GABRB3: variants seen among roughly 807,000 people sequenced by gnomAD.
GABRB3 encodes gamma-aminobutyric acid type A receptor subunit beta3, also known as gamma-aminobutyric acid receptor subunit beta-3.
In GABRB3, 14 loss-of-function variants were observed where a neutral mutation model predicts 52.1. The ratio of observed to expected loss-of-function variants is 0.27; its 90% CI spans 0.18 to 0.42. GABRB3 has a LOEUF of 0.42. GABRB3 is among the 10% of genes least tolerant of loss of function. GABRB3 has a pLI of 1.00. For missense variants in GABRB3, 307 were observed against 609.1 expected (o/e 0.50, Z 5.22); for synonymous variants, 260 against 232.3 (o/e 1.12, Z -1.08).
rs1348288306 is a variant in GABRB3 at position 26,554,207 on chromosome 15, A to ATATATATATATATATTTATTTATT, written c.1081-6074_1081-6073insAATAAATAAATATATATATATATA. On this transcript the variant is annotated intron_variant, in intron 8 of 8. Transcript: ENST00000311550. ...ATATATATACTATATATATATATAT[A>ATATATATATATATATTTATTTATT]TAGTAGAAACAAGGTCTCTCTTTGT... Among the ~76,000 whole-genome samples, 112 of 57,812 alleles carry ATATATATATATATATTTATTTATT rather than the reference A, an allele frequency of 1.9e-3. 6 individuals are homozygous for ATATATATATATATATTTATTTATT. The highest frequency in any genetic ancestry group is 3.4e-3 in the Non-Finnish European group (83 of 24,134). The allele number at this position is 57,812 out of a possible 152,430, so 37.9% of individuals were successfully genotyped here.
intron 4 of GABRB3, among the ~76,000 whole-genome samples, chr15:26,619,699 G>A (rs893835600): frequency 6.6e-6 from 1 of 151,814 alleles, no homozygotes; most frequent in African/African-American, 2.4e-5. Flanking sequence ...AAAAAATAAA[G>A]AATGCAAAAA....
chr15:26,565,207 C>T (rs1434167894), intron 7 of GABRB3, among the ~76,000 whole-genome samples: 1 of 151,548 alleles, frequency 6.6e-6, no homozygotes, highest in Non-Finnish European at 1.5e-5. Flanking sequence ...ACTCAGTGCT[C>T]CTGACACTGC....
chr15:26,753,411 A>G (rs995342607), intron 3 of GABRB3, among the ~76,000 whole-genome samples: 6 of 152,222 alleles, frequency 3.9e-5, no homozygotes, highest in Non-Finnish European at 7.3e-5. Flanking sequence ...GGAAAAAAGG[A>G]GCGGTCTTCA....
At chr15:26,550,547 A>T (rs938559734) in intron 8 of GABRB3, among the ~76,000 whole-genome samples, 1 of 152,230 alleles carries the variant, frequency 6.6e-6, no homozygotes, top group Non-Finnish European at 1.5e-5. Context: ...TGGTGGGAAT[A>T]TAAATTAGTA....
At chr15:26,637,932 C>T (rs999396153) in intron 3 of GABRB3, among the ~76,000 whole-genome samples, 1 of 152,140 alleles carries the variant, frequency 6.6e-6, no homozygotes, top group Non-Finnish European at 1.5e-5. Flanking sequence ...TGACACCAAG[C>T]CACTTGGTTA....
intron 6 of GABRB3, among the ~76,000 whole-genome samples, chr15:26,569,052 C>T (rs568550159): frequency 6.0e-4 from 92 of 152,262 alleles, no homozygotes; most frequent in Admixed American, 1.1e-3. Context: ...AGAGGCCTCA[C>T]CTTTCCTGAT....
chr15:26,586,801 A>G (rs1487190239), intron 4 of GABRB3, among the ~76,000 whole-genome samples: 2 of 152,046 alleles, frequency 1.3e-5, no homozygotes, highest in African/African-American at 2.4e-5. Flanking sequence ...TCAGGCCCAG[A>G]AAGACAAATA....
intron 3 of GABRB3, among the ~76,000 whole-genome samples, chr15:26,632,513 G>A (rs746332123): frequency 2.6e-5 from 4 of 152,180 alleles, no homozygotes; most frequent in Non-Finnish European, 4.4e-5. Context: ...AGTCGAGTAA[G>A]TTTGAAAAGC....
chr15:26,598,696 G>C (rs971629128), intron 4 of GABRB3, among the ~76,000 whole-genome samples: 10 of 152,158 alleles, frequency 6.6e-5, no homozygotes, highest in African/African-American at 2.4e-4. Flanking sequence ...ATTTGGAAAG[G>C]CTTCCCAGGA....
chr15:26,743,334 T>A (rs1168989128), intron 3 of GABRB3, among the ~76,000 whole-genome samples: 1 of 152,176 alleles, frequency 6.6e-6, no homozygotes, highest in East Asian at 1.9e-4. Flanking sequence ...CCCTCAGCTC[T>A]GCAGGAGAAA....
chr15:26,733,718 A>T (rs1889991503), intron 3 of GABRB3, among the ~76,000 whole-genome samples: 1 of 152,248 alleles, frequency 6.6e-6, no homozygotes, highest in South Asian at 2.1e-4. Flanking sequence ...TCCTGATTTC[A>T]AAACTTACTA....
In GABRB3 at chr15:26,717,431, T is replaced by C. The variant is rs551890804; in HGVS notation, c.240+54971A>G. Among the ~76,000 whole-genome samples, 118 of 152,352 alleles carry C rather than the reference T, an allele frequency of 7.7e-4. 1 individual carries two copies. The highest frequency in any genetic ancestry group is 2.8e-3 in the African/African-American group (115 of 41,578). ...TCTGAAGCTCCCAGGGACTGGATAA[T>C]GTGGACCATGTGTAAAGCTAAGACC... is the stretch of plus-strand genomic sequence containing the variant. On this transcript the variant is annotated intron_variant, in intron 3 of 8. Transcript: ENST00000311550.
intron 6 of GABRB3, 30 bp from the exon 7 acceptor site, chr15:26,567,763 G>A (rs763842898): frequency 1.2e-6 from 2 of 1,610,122 alleles, no homozygotes; most frequent in South Asian, 1.1e-5. Flanking sequence ...ATATTACACT[G>A]GAGAAACAAC....
chr15:26,663,979 A>T (rs1267476154), intron 3 of GABRB3, among the ~76,000 whole-genome samples: 3 of 152,260 alleles, frequency 2.0e-5, no homozygotes, highest in Admixed American at 6.5e-5. Flanking sequence ...AACAAAATTT[A>T]AAAACTTGTC....
chr15:26,677,971 C>T (rs555719604), intron 3 of GABRB3, among the ~76,000 whole-genome samples: 2 of 152,188 alleles, frequency 1.3e-5, no homozygotes, highest in African/African-American at 4.8e-5. Context: ...CAATTAGGCA[C>T]TGGGGGCCAG....
intron 6 of GABRB3, among the ~76,000 whole-genome samples, chr15:26,574,295 C>A (rs763193167): frequency 6.6e-6 from 1 of 152,100 alleles, no homozygotes; most frequent in South Asian, 2.1e-4. Flanking sequence ...GAAATTGGAA[C>A]CCTCCTATAC....
intron 3 of GABRB3, among the ~76,000 whole-genome samples, chr15:26,698,945 A>G (rs1264744444): frequency 1.3e-5 from 2 of 152,264 alleles, no homozygotes; most frequent in African/African-American, 2.4e-5. Flanking sequence ...TAATAGTGAC[A>G]TAATTGCCCA....
intron 3 of GABRB3, among the ~76,000 whole-genome samples, chr15:26,707,526 T>G (rs558220639): frequency 1.3e-3 from 195 of 152,264 alleles, no homozygotes; most frequent in Non-Finnish European, 2.4e-3. Context: ...AGCCTGAGTA[T>G]CCACCATAGG....
chr15:26,622,613 T>TG (rs1373828794), intron 3 of GABRB3, among the ~76,000 whole-genome samples: 1 of 152,234 alleles, frequency 6.6e-6, no homozygotes, highest in East Asian at 1.9e-4. Flanking sequence ...CAGCGAGAGA[T>TG]GGAGAGCAAA....
Sources: gnomAD v4.1 joint callset for allele counts (sites outside exome capture counted in the v4.1 genomes callset) on GRCh38, gnomAD v4.1.1 for gene constraint, MANE v1.5 for transcripts, NCBI Gene and HGNC (gene_info 2026-07-23, HGNC 2026-07-21) for gene names.